Variants in AP2B1 observed in about 807,000 individuals in gnomAD.
AP2B1 encodes the protein adaptor related protein complex 2 subunit beta 1.
A neutral mutation model predicts 102.0 loss-of-function variants in AP2B1; 23 were observed. The ratio of observed to expected loss-of-function variants is 0.23; its 90% CI spans 0.16 to 0.32. The LOEUF is 0.32. Among genes scored for constraint, AP2B1 ranks in the 10% least tolerant of loss-of-function variants. The probability of loss-of-function intolerance (pLI) is 1.00; values close to 1 mark genes in which losing one functional copy is unlikely to be tolerated. For missense variants in AP2B1, 541 were observed against 1,157.4 expected (o/e 0.47, Z 7.73); for synonymous variants, 381 against 421.2 (o/e 0.90, Z 1.17).
chr17:35,636,107 CTT>C (rs1460899553), intron 9 of AP2B1, among the ~76,000 whole-genome samples: 5 of 151,960 alleles, frequency 3.3e-5, no homozygotes, highest in Admixed American at 6.6e-5. Context: ...GAGGAACATC[CTT>C]TTGTTTGTAT....
At chr17:35,605,209 GTTTCTTTTCT>G (rs1333575579) in intron 3 of AP2B1, among the ~76,000 whole-genome samples, 2 of 151,026 alleles carry the variant, frequency 1.3e-5, no homozygotes, top group African/African-American at 2.4e-5. Context: ...CTGGCCTACA[GTTTCTTTTCT>G]TTTCTTTTCT....
intron 21 of AP2B1, among the ~76,000 whole-genome samples, chr17:35,722,864 T>C (rs964160434): frequency 5.3e-5 from 8 of 152,238 alleles, no homozygotes; most frequent in African/African-American, 1.9e-4. Context: ...GGTTTAAATT[T>C]TGTCCTTACT....
chr17:35,679,793 T>C (rs587669855), intron 17 of AP2B1, among the ~76,000 whole-genome samples: 5 of 152,332 alleles, frequency 3.3e-5, no homozygotes, highest in South Asian at 2.1e-4. Context: ...ATAACTATTA[T>C]GCCTAAATGA....
intron 14 of AP2B1, among the ~76,000 whole-genome samples, chr17:35,661,962 G>A (rs939987084): frequency 2.0e-5 from 3 of 152,142 alleles, no homozygotes; most frequent in African/African-American, 7.2e-5. Flanking sequence ...GTCACAGTCA[G>A]GAAATACTTA....
At chr17:35,621,969 C>G (rs1411197631) in intron 5 of AP2B1, among the ~76,000 whole-genome samples, 1 of 152,140 alleles carries the variant, frequency 6.6e-6, no homozygotes, top group Non-Finnish European at 1.5e-5. Context: ...TAAATCAAAA[C>G]AGGCATTTGG....
chr17:35,659,223 A>G (rs983574676), intron 14 of AP2B1, among the ~76,000 whole-genome samples: 3 of 152,194 alleles, frequency 2.0e-5, no homozygotes, highest in Non-Finnish European at 2.9e-5. Flanking sequence ...TCAACCACAA[A>G]TTAAATATTG....
chr17:35,589,381 T>C (rs2073009630), intron 1 of AP2B1, among the ~76,000 whole-genome samples: 2 of 152,224 alleles, frequency 1.3e-5, no homozygotes. Context: ...AAAGAAGGGT[T>C]TAGTGACTTT....
Position 35,670,883 on chromosome 17 carries a change from T to C in AP2B1, c.2016T>C (p.Ile672=), listed in dbSNP as rs1419529311. Residue 672 remains isoleucine (I), a synonymous_variant, in exon 15 of 22, where the codon ATT becomes ATC. Transcript: ENST00000610402. ...SLLGSDLGGG[I]GGSPAVGQSF... is the part of the protein sequence containing the mutation. ...TTGGCAGTGACCTTGGCGGGGGCATTGGAGGAAGTCCGGCAGTAAGTGCCA... is the reference window on the plus strand; with the variant it reads ...TTGGCAGTGACCTTGGCGGGGGCATCGGAGGAAGTCCGGCAGTAAGTGCCA... 6.2e-7 allele frequency: 1 copy of C among 1,614,052 alleles called. No individual in the cohort carries two copies. The highest frequency in any genetic ancestry group is 8.5e-7 in the Non-Finnish European group (1 of 1,179,994).
intron 3 of AP2B1, among the ~76,000 whole-genome samples, chr17:35,602,265 A>C (rs2073515077): frequency 6.6e-6 from 1 of 152,260 alleles, no homozygotes; most frequent in African/African-American, 2.4e-5. Flanking sequence ...TTATGTAATT[A>C]GGCACTGAAG....
chr17:35,625,951 T>G (rs2074302302), intron 6 of AP2B1, among the ~76,000 whole-genome samples: 1 of 152,166 alleles, frequency 6.6e-6, no homozygotes, highest in Non-Finnish European at 1.5e-5. Context: ...TTGGATTAAT[T>G]TCTAAAGAAC....
At chr17:35,621,454 C>T (rs917396712) in intron 5 of AP2B1, 1 of 600,622 alleles carries the variant, frequency 1.7e-6, no homozygotes, top group Non-Finnish European at 2.1e-6. Context: ...GAAGGAACTT[C>T]AAGAAATTTT....
Position 35,632,878 on chromosome 17 carries a change from A to G in AP2B1, c.1156-3463A>G, listed in dbSNP as rs141166990. 6.4e-3 allele frequency among the ~76,000 whole-genome samples: 977 copies of G among 152,006 alleles called. 9 individuals are homozygous for G. The highest frequency in any genetic ancestry group is 0.022 in the African/African-American group (924 of 41,502). ...TGTATTATTAATTTATGGTAATTCA[A>G]TGCTTACAGTGGCCCATATTCTACA... On this transcript the variant is annotated intron_variant, in intron 9 of 21. Transcript: ENST00000610402.
chr17:35,671,723 C>A (rs751726306), intron 15 of AP2B1, 31 bp from the exon 16 acceptor site: 1 of 1,609,060 alleles, frequency 6.2e-7, no homozygotes, highest in Non-Finnish European at 8.5e-7. Context: ...TCTTCCCAAT[C>A]TCCCCTCTCC....
chr17:35,715,846 T>C (rs587767160), intron 20 of AP2B1, among the ~76,000 whole-genome samples: 1 of 152,306 alleles, frequency 6.6e-6, no homozygotes, highest in East Asian at 1.9e-4. Context: ...AGCTAAGTAA[T>C]AACTAAGTGT....
intron 16 of AP2B1, among the ~76,000 whole-genome samples, chr17:35,673,538 G>C (rs2075635485): frequency 6.6e-6 from 1 of 152,014 alleles, no homozygotes; most frequent in Admixed American, 6.6e-5. Flanking sequence ...GTATACCACA[G>C]GTTCCAGGAC....
rs587758331 is a variant in AP2B1, at chr17:35,701,267, C to T, written c.2455-7957C>T. Among the ~76,000 whole-genome samples, 11 of 151,902 alleles carry T rather than the reference C, an allele frequency of 7.2e-5. No individual in the cohort carries two copies. In the South Asian group the frequency reaches 2.3e-3, roughly 32 times the overall value. On this transcript the variant is annotated intron_variant, in intron 18 of 21. Coordinates refer to ENST00000610402, the MANE Select transcript of AP2B1 (RefSeq NM_001030006.2). ...ATTTTTCATTTTATTTTTTTAATGCCAGTTTGAACCCACTTAGTTAATTTT... is the reference window on the plus strand; with the variant it reads ...ATTTTTCATTTTATTTTTTTAATGCTAGTTTGAACCCACTTAGTTAATTTT...
chr17:35,626,750 G>T lies in AP2B1; in HGVS notation c.846G>T (p.Lys282Asn), dbSNP rs1359473343. The change falls in exon 7 of 22, where the codon AAG (lysine) becomes AAT (asparagine). Residue 282 changes from lysine to asparagine, a missense_variant. Physicochemically the swap from Lys to Asn is moderately conservative, Grantham distance 94 (BLOSUM62 0). Around this residue, in one of 10 missense-constraint regions of AP2B1, gnomAD observed 134 missense variants for 250.2 expected, o/e 0.54. Transcript: ENST00000610402. Reference protein sequence around the residue: ...KDSDYYNMLLKKLAPPLVTLL... With the variant: ...KDSDYYNMLLNKLAPPLVTLL... ...CTGACTACTACAATATGCTGCTGAA[G>T]AAGTTAGCCCCTCCACTTGTCACTT... The T allele has an allele frequency of 6.2e-7, 1 of 1,613,978 alleles. No individual in the cohort carries two copies. The highest frequency in any genetic ancestry group is 1.1e-5 in the South Asian group (1 of 91,056).
chr17:35,660,973 G>A (rs1010994401), intron 14 of AP2B1, among the ~76,000 whole-genome samples: 1 of 152,324 alleles, frequency 6.6e-6, no homozygotes, highest in Admixed American at 6.5e-5. Context: ...TATGGCCATA[G>A]TTAGAATTGT....
At chr17:35,637,304 C>G (rs890575981) in intron 10 of AP2B1, among the ~76,000 whole-genome samples, 1 of 152,028 alleles carries the variant, frequency 6.6e-6, no homozygotes, top group Non-Finnish European at 1.5e-5. Context: ...CCTGCCTCAG[C>G]TTCCCAAGTA....
Sources: gnomAD v4.1 joint callset for allele counts (sites outside exome capture counted in the v4.1 genomes callset) on GRCh38, gnomAD v4.1.1 for gene constraint, gnomAD v4.1.1 regional missense constraint, MANE v1.5 for transcripts, NCBI Gene and HGNC (gene_info 2026-07-23, HGNC 2026-07-21) for gene names.